Variants in STYK1 observed in about 807,000 individuals in gnomAD.
STYK1 encodes the protein tyrosine-protein kinase STYK1.
STYK1 carries 46 observed loss-of-function variants against 48.1 expected under a neutral mutation model. The ratio of observed to expected loss-of-function variants is 0.96; its 90% CI spans 0.75 to 1.22. The LOEUF (loss-of-function observed/expected upper bound fraction) is 1.22. STYK1 is among the 50% of genes most tolerant of loss of function. The probability of loss-of-function intolerance (pLI) is 0.00; values close to 1 mark genes in which losing one functional copy is unlikely to be tolerated. For synonymous variants in STYK1, 188 were observed against 189.0 expected (o/e 0.99, Z 0.04); for missense variants, 527 against 521.1 (o/e 1.01, Z -0.11).
intron 6 of STYK1, 73 bp from the exon 7 acceptor site, chr12:10,627,797 C>T: frequency 7.9e-7 from 1 of 1,272,684 alleles, no homozygotes; most frequent in East Asian, 2.4e-5. Context: ...TAAAGTTGGG[C>T]AGAGATACTC....
chr12:10,629,388 T>C (rs111240950), intron 6 of STYK1, 105 bp downstream of exon 6: 25 of 1,203,542 alleles, frequency 2.1e-5, no homozygotes, highest in African/African-American at 1.9e-4. Flanking sequence ...TGTCATGCTA[T>C]TATAGTGTCT....
intron 5 of STYK1, among the ~76,000 whole-genome samples, chr12:10,630,782 C>A (rs1256166738): frequency 2.6e-5 from 4 of 151,894 alleles, no homozygotes; most frequent in African/African-American, 9.7e-5. Context: ...CAGCTAACAT[C>A]TTACTCATCA....
chr12:10,649,679 G>A (rs542326009), intron 1 of STYK1, among the ~76,000 whole-genome samples: 1 of 152,256 alleles, frequency 6.6e-6, no homozygotes, highest in South Asian at 2.1e-4. Context: ...AGGAAGAAAG[G>A]CTACAAGGCA....
chr12:10,660,115 A>C (rs1217224233), intron 1 of STYK1, among the ~76,000 whole-genome samples: 9 of 152,302 alleles, frequency 5.9e-5, no homozygotes, highest in Admixed American at 5.9e-4. Flanking sequence ...CCCACTTCAC[A>C]AAAAGCCTTG....
At chr12:10,634,734 T>A in intron 2 of STYK1, 48 bp from the exon 3 acceptor site, 1 of 1,197,130 alleles carries the variant, frequency 8.4e-7, no homozygotes. Flanking sequence ...TGAAAAAAAA[T>A]AAATGAAGTA....
At position 10,672,668 on chromosome 12, in the gene STYK1, C is replaced by T. The variant is rs1428417894; in HGVS notation, c.-195+1298G>A. ...AACAGTTTCATTCTGAAACCATCTC[C>T]CGCCAACCTCATCGGCATCTGTGAA... On this transcript the variant is annotated intron_variant, in intron 1 of 10. Transcript: ENST00000075503. The surrounding 1 kb of genome is among the most constrained non-coding windows in gnomAD (Gnocchi z 4.0). Among the ~76,000 whole-genome samples, 1 of 152,138 alleles carries T rather than the reference C, an allele frequency of 6.6e-6. No homozygotes were observed. The highest frequency in any genetic ancestry group is 1.5e-5 in the Non-Finnish European group (1 of 68,026).
intron 1 of STYK1, among the ~76,000 whole-genome samples, chr12:10,667,125 A>G (rs978205590): frequency 3.3e-5 from 5 of 152,230 alleles, no homozygotes; most frequent in Non-Finnish European, 5.9e-5. Flanking sequence ...AACAATTTTT[A>G]AAAATACCCT....
At chr12:10,636,341 A>G (rs1289612546) in intron 2 of STYK1, among the ~76,000 whole-genome samples, 1 of 152,240 alleles carries the variant, frequency 6.6e-6, no homozygotes, top group African/African-American at 2.4e-5. Context: ...AAGCTCAGGT[A>G]AACAGCCAAG....
At chr12:10,630,453 G>A (rs12321017) in intron 5 of STYK1, among the ~76,000 whole-genome samples, 51,970 of 147,752 alleles carry the variant, frequency 0.35, 9,435 homozygotes, top group Middle Eastern at 0.43. Flanking sequence ...AGTAAAATGA[G>A]GAAACAACCT....
At chr12:10,653,660 CAGAA>C (rs1947687295) in intron 1 of STYK1, among the ~76,000 whole-genome samples, 1 of 152,182 alleles carries the variant, frequency 6.6e-6, no homozygotes, top group African/African-American at 2.4e-5. Flanking sequence ...TGTATGTTGA[CAGAA>C]AGAGTCAGAG....
chr12:10,630,804 T>G (rs17809590), intron 5 of STYK1, among the ~76,000 whole-genome samples: 4,955 of 152,128 alleles, frequency 0.033, 107 homozygotes, highest in Non-Finnish European at 0.045. Flanking sequence ...AACATTATGC[T>G]TATTTGTAGT....
In STYK1 at chr12:10,631,090, C is replaced by T. The variant is rs747503076; in HGVS notation, c.406G>A (p.Gly136Arg). 3 of 1,614,150 alleles carry T rather than the reference C, an allele frequency of 1.9e-6. No individual in the cohort carries two copies. In the East Asian group the frequency reaches 6.7e-5, roughly 36 times the overall value. Residue 136 changes from glycine to arginine, a missense_variant, in exon 5 of 11, where the codon GGG (glycine) becomes AGG (arginine). Gly to Arg is a moderately radical substitution (Grantham distance 125). Coordinates refer to ENST00000075503, the MANE Select transcript of STYK1 (RefSeq NM_018423.3). Reference sequence around the variant, plus strand: ...ACACTCTTGGGCTTAGAAGGGTCCCCAGTGTTCATATTGGCTCGAAAGATG... The same window carrying T: ...ACACTCTTGGGCTTAGAAGGGTCCCTAGTGTTCATATTGGCTCGAAAGATG... ...GPIFRANMNT[G>R]DPSKPKSVIL...
At chr12:10,638,697 A>G (rs1947511965) in intron 1 of STYK1, among the ~76,000 whole-genome samples, 1 of 152,216 alleles carries the variant, frequency 6.6e-6, no homozygotes, top group South Asian at 2.1e-4. Flanking sequence ...TCTGCAATTT[A>G]CCCATGACTT....
At chr12:10,668,063 CTTA>C (rs1382420308) in intron 1 of STYK1, among the ~76,000 whole-genome samples, 1 of 152,158 alleles carries the variant, frequency 6.6e-6, no homozygotes, top group African/African-American at 2.4e-5. Flanking sequence ...TCTAAACTAT[CTTA>C]TTATTATTCT....
chr12:10,645,821 A>AT (rs1345900819), intron 1 of STYK1, among the ~76,000 whole-genome samples: 1 of 152,142 alleles, frequency 6.6e-6, no homozygotes, highest in East Asian at 1.9e-4. Flanking sequence ...GTGGGAGGTA[A>AT]TTGAATCATA....
rs764816144 is a variant in STYK1, at chr12:10,620,333, C to G, written c.1080G>C (p.Lys360Asn). 26 of 1,612,990 alleles carry G rather than the reference C, an allele frequency of 1.6e-5. No individual in the cohort carries two copies. The highest frequency in any genetic ancestry group is 2.1e-5 in the Non-Finnish European group (25 of 1,180,052). The change falls in exon 11 of 11, where the codon AAG becomes AAC. Residue 360 changes from lysine to asparagine, a missense_variant. Coordinates refer to ENST00000075503, the MANE Select transcript of STYK1 (RefSeq NM_018423.3). ...CAGCCTCACGCCAGCGCCAGCAGGA[C>G]TTCATGATACTGTACCTGAGAGGGA... ...SCTHTMYSIM[K>N]SCWRWREADR...
chr12:10,638,899 C>G (rs1322060695), intron 1 of STYK1, among the ~76,000 whole-genome samples: 1 of 152,164 alleles, frequency 6.6e-6, no homozygotes, highest in Non-Finnish European at 1.5e-5. Flanking sequence ...GCTTGCTTAT[C>G]AACACATGTG....
intron 1 of STYK1, among the ~76,000 whole-genome samples, chr12:10,669,752 T>G (rs1281326529): frequency 6.6e-6 from 1 of 152,134 alleles, no homozygotes; most frequent in African/African-American, 2.4e-5. Context: ...GTGATTAATA[T>G]CCAAAATACA....
At position 10,620,351 on chromosome 12, in the gene STYK1, G is replaced by C. The variant is rs892082929; in HGVS notation, c.1065-3C>G. 6.2e-7 allele frequency: 1 copy of C among 1,612,272 alleles called. No individual in the cohort carries two copies. Among genetic ancestry groups the C allele is most frequent in the Admixed American group, 1.7e-5 (1 of 60,012 alleles). On this transcript the variant is annotated splice_polypyrimidine_tract_variant and splice_region_variant and intron_variant, in intron 10 of 10. Transcript: ENST00000075503. ...AGCAGGACTTCATGATACTGTACCT[G>C]AGAGGGAAACAAGAGAAACTGACTT...
Sources: allele counts gnomAD v4.1 joint callset (sites outside exome capture counted in the v4.1 genomes callset), GRCh38; gene constraint gnomAD v4.1.1; non-coding constraint Gnocchi (gnomAD v3.1); transcripts MANE v1.5; gene names NCBI Gene and HGNC (gene_info 2026-07-23, HGNC 2026-07-21).